C2CD5: variants seen among roughly 807,000 people sequenced by gnomAD.
C2CD5 encodes C2 calcium dependent domain containing 5.
Under a neutral mutation model 130.3 loss-of-function variants are expected in C2CD5, and 109 were observed. The observed-to-expected ratio is 0.84, with a 90% CI of 0.72 to 0.98. C2CD5 has a LOEUF of 0.98. Among genes scored for constraint, C2CD5 ranks in the 50% least tolerant of loss-of-function variants. The pLI, the probability that C2CD5 is intolerant of heterozygous loss-of-function variation, is 0.00. For synonymous variants in C2CD5, 454 were observed against 429.2 expected (o/e 1.06, Z -0.71); for missense variants, 996 against 1,261.8 (o/e 0.79, Z 3.19).
intron 12 of C2CD5, 39 bp from the exon 13 acceptor site, chr12:22,484,927 A>T: frequency 9.4e-7 from 1 of 1,064,946 alleles, no homozygotes; most frequent in Non-Finnish European, 1.3e-6. Flanking sequence ...TTCTTTAAAA[A>T]TGTACCAATT....
intron 14 of C2CD5, 93 bp downstream of exon 14, chr12:22,482,464 A>G (rs1944873483): frequency 4.7e-6 from 5 of 1,059,178 alleles, no homozygotes; most frequent in Non-Finnish European, 6.9e-6. Context: ...AAGTCTTTAG[A>G]TAAGCCTTTG....
At chr12:22,453,493 A>G (rs1939134778) in intron 26 of C2CD5, among the ~76,000 whole-genome samples, 1 of 152,188 alleles carries the variant, frequency 6.6e-6, no homozygotes, top group South Asian at 2.1e-4. Flanking sequence ...TACTAGAAAT[A>G]AGCAAGCCTT....
intron 13 of C2CD5, 104 bp downstream of exon 13, chr12:22,484,593 G>A: frequency 1.9e-6 from 1 of 530,802 alleles, no homozygotes; most frequent in Non-Finnish European, 3.2e-6. Flanking sequence ...GTTTGTGCAG[G>A]ATCAAACAGG....
Position 22,475,331 on chromosome 12 carries a change from G to A in C2CD5, c.1903-440C>T, listed in dbSNP as rs566462704. ...TTATCCACTTTCAAAGCTCCATATA[G>A]CAAAATGTGAAATATGATCAATGTA... On this transcript the variant is annotated intron_variant, in intron 15 of 26. Coordinates refer to ENST00000446597, the MANE Select transcript of C2CD5 (RefSeq NM_001286176.2). 1.3e-4 allele frequency among the ~76,000 whole-genome samples: 20 copies of A among 152,154 alleles called. No homozygotes were observed. The South Asian group carries it at 3.5e-3, about 27-fold the overall frequency.
rs577912117 is a variant in C2CD5 at position 22,495,820 on chromosome 12, C to T, written c.1148-2483G>A. ...TTGGCTAAAGCAAAAGCTCAAAGAA[C>T]GAAGGGTTTGCAAAGCAGATTCAGC... On this transcript the variant is annotated intron_variant, in intron 10 of 26. Coordinates refer to ENST00000446597, the MANE Select transcript of C2CD5 (RefSeq NM_001286176.2). Among the ~76,000 whole-genome samples the T allele has an allele frequency of 9.2e-5, 14 of 152,084 alleles. No individual in the cohort carries two copies. The South Asian group carries it at 1.0e-3, about 11-fold the overall frequency.
intron 4 of C2CD5, 147 bp from the exon 5 acceptor site, chr12:22,525,852 C>T: frequency 1.7e-6 from 1 of 604,018 alleles, no homozygotes; most frequent in Admixed American, 2.9e-5. Flanking sequence ...CAAAACCATT[C>T]TGATTTTCAC....
At chr12:22,474,112 TTC>T (rs1943475081) in intron 16 of C2CD5, among the ~76,000 whole-genome samples, 1 of 152,146 alleles carries the variant, frequency 6.6e-6, no homozygotes. Flanking sequence ...CATCTGATTT[TTC>T]TCTCTCTCAA....
intron 3 of C2CD5, among the ~76,000 whole-genome samples, chr12:22,531,027 G>A (rs1487911327): frequency 1.3e-5 from 2 of 152,068 alleles, no homozygotes; most frequent in African/African-American, 4.8e-5. Context: ...CTAGGTTATA[G>A]TTGGGGGGGA....
chr12:22,504,956 G>C (rs12318771), intron 10 of C2CD5, among the ~76,000 whole-genome samples: 1,768 of 151,800 alleles, frequency 0.012, 31 homozygotes, highest in African/African-American at 0.04. Flanking sequence ...AATAAGAAAC[G>C]GGGGGAAAAA....
At chr12:22,481,153 T>G (rs1944654034) in intron 14 of C2CD5, among the ~76,000 whole-genome samples, 1 of 152,158 alleles carries the variant, frequency 6.6e-6, no homozygotes, top group South Asian at 2.1e-4. Context: ...TTATTACAAA[T>G]TTCTGTCGTT....
intron 25 of C2CD5, among the ~76,000 whole-genome samples, chr12:22,454,684 CT>C (rs1226187223): frequency 6.6e-6 from 1 of 151,562 alleles, no homozygotes; most frequent in African/African-American, 2.4e-5. Context: ...CCATTATATA[CT>C]CTGATAGCCT....
chr12:22,540,297 T>C (rs1030639858), intron 2 of C2CD5, among the ~76,000 whole-genome samples: 2 of 152,214 alleles, frequency 1.3e-5, no homozygotes, highest in African/African-American at 4.8e-5. Context: ...ATTTTCTCCA[T>C]ATATTATTCT....
At chr12:22,457,791 G>C in intron 24 of C2CD5, among the ~76,000 whole-genome samples, 1 of 151,904 alleles carries the variant, frequency 6.6e-6, no homozygotes, top group East Asian at 1.9e-4. Flanking sequence ...CAAAAACACA[G>C]GTTATCATCA....
rs2135901876 is a variant in C2CD5 at position 22,448,939 on chromosome 12, T to C, written c.*821A>G. On this transcript the variant is annotated 3_prime_UTR_variant, in exon 27 of 27. Transcript: ENST00000446597. Reference sequence around the variant, plus strand: ...CTGTTTATTTGGTAGGAGTGCAATATTATCTTATTAGGAAATAATTTTATG... The same window carrying C: ...CTGTTTATTTGGTAGGAGTGCAATACTATCTTATTAGGAAATAATTTTATG... 1 of 152,562 alleles carries C rather than the reference T, an allele frequency of 6.6e-6. No individual in the cohort carries two copies. The highest frequency in any genetic ancestry group is 2.1e-4 in the South Asian group (1 of 4,822). The allele number at this position is 152,562 out of a possible 1,614,324, so 9.5% of individuals were successfully genotyped here.
At chr12:22,529,062 A>C (rs1015983670) in intron 3 of C2CD5, among the ~76,000 whole-genome samples, 4 of 152,220 alleles carry the variant, frequency 2.6e-5, no homozygotes, top group Admixed American at 1.3e-4. Flanking sequence ...TTGCCTTAAA[A>C]TATCCCCACA....
At chr12:22,518,938 G>C in intron 7 of C2CD5, 1 of 515,154 alleles carries the variant, frequency 1.9e-6, no homozygotes, top group East Asian at 3.1e-5. Context: ...CTTCCATATA[G>C]TTAGAGACTC....
At chr12:22,467,409 G>A (rs1475952733) in intron 22 of C2CD5, among the ~76,000 whole-genome samples, 1 of 152,090 alleles carries the variant, frequency 6.6e-6, no homozygotes, top group Non-Finnish European at 1.5e-5. Flanking sequence ...AAAGTGCTAC[G>A]ATTACAGATA....
At chr12:22,524,954 CTAATTAT>C (rs61610706) in intron 5 of C2CD5, among the ~76,000 whole-genome samples, 23,692 of 151,842 alleles carry the variant, frequency 0.16, 3,681 homozygotes, top group African/African-American at 0.41. Flanking sequence ...AGTCAGCTAG[CTAATTAT>C]TATATAAATA....
At position 22,484,734 on chromosome 12, in the gene C2CD5, C is replaced by T; in HGVS notation, c.1513G>A (p.Ala505Thr). 1.3e-6 allele frequency: 2 copies of T among 1,594,048 alleles called. No individual in the cohort carries two copies. Among genetic ancestry groups the T allele is most frequent in the South Asian group, 1.2e-5 (1 of 86,694 alleles). ...LFTTIDLPTD[A>T]TVIGKGCLIQ... ...AGACAACCTTTTCCAATAACTGTTG[C>T]ATCTGTTGGGAGGTCTATAGTTGTA... The change falls in exon 13 of 27, where the codon GCA (alanine) becomes ACA (threonine). Residue 505 changes from alanine to threonine, a missense_variant. By Grantham distance (58) the Ala-to-Thr change is moderately conservative (BLOSUM62 0). Coordinates refer to ENST00000446597, the MANE Select transcript of C2CD5 (RefSeq NM_001286176.2).
Sources: gnomAD v4.1 joint callset for allele counts (sites outside exome capture counted in the v4.1 genomes callset) on GRCh38, gnomAD v4.1.1 for gene constraint, MANE v1.5 for transcripts, NCBI Gene and HGNC (gene_info 2026-07-23, HGNC 2026-07-21) for gene names.